KLF8: variants seen among roughly 807,000 people sequenced by gnomAD.
KLF8 encodes Krueppel-like factor 8.
Under a neutral mutation model 18.2 loss-of-function variants are expected in KLF8, and 10 were observed. The observed-to-expected ratio is 0.55, with a 90% CI of 0.34 to 0.93. KLF8 has a LOEUF of 0.93. Ranked by LOEUF, KLF8 falls within the 40% of genes least tolerant of loss-of-function variation. The pLI is 0.02. For missense variants in KLF8, 264 were observed against 277.9 expected (o/e 0.95, Z 0.36); for synonymous variants, 109 against 97.3 (o/e 1.12, Z -0.71).
the KLF8 span, among the ~76,000 whole-genome samples, chrX:56,029,708 C>T: frequency 8.9e-6 from 1 of 111,767 alleles, no homozygotes; most frequent in Non-Finnish European, 1.9e-5. Context: ...TAGTTGGGGA[C>T]ATTTATCTTT....
the KLF8 span, among the ~76,000 whole-genome samples, chrX:56,007,579 T>C: frequency 1.8e-5 from 2 of 111,310 alleles, no homozygotes; most frequent in Admixed American, 9.6e-5. Context: ...TTCCATGCCT[T>C]AGAGGTTTCC....
chrX:55,949,749 C>G, the KLF8 span, among the ~76,000 whole-genome samples: 1 of 108,453 alleles, frequency 9.2e-6, no homozygotes, highest in South Asian at 4.1e-4. Flanking sequence ...CAAGATTGCG[C>G]CACTGCACTC....
chrX:56,269,422 G>A lies in KLF8; in HGVS notation c.691G>A (p.Asp231Asn). The A allele has an allele frequency of 8.3e-7, 1 of 1,209,396 alleles. No individual in the cohort carries two copies. The highest frequency in any genetic ancestry group is 1.8e-5 in the South Asian group (1 of 56,107). The change falls in exon 4 of 6, where the codon GAC becomes AAC. Residue 231 changes from aspartate to asparagine, a missense_variant. Transcript: ENST00000468660. ...CATGTCTCCACTGGAAATTCCAAGTGACAGTGAGGAGAGTACAATTGAGAG... is the reference window on the plus strand; with the variant it reads ...CATGTCTCCACTGGAAATTCCAAGTAACAGTGAGGAGAGTACAATTGAGAG... ...TSMSPLEIPSDSEESTIESGS... is the reference protein window; with the variant it reads ...TSMSPLEIPSNSEESTIESGS...
At chrX:56,239,884 A>G in intron 1 of KLF8, among the ~76,000 whole-genome samples, 1 of 111,193 alleles carries the variant, frequency 9.0e-6, no homozygotes, top group Non-Finnish European at 1.9e-5. Flanking sequence ...TCTATTTGCC[A>G]TTTTTCTTGA....
the KLF8 span, among the ~76,000 whole-genome samples, chrX:56,057,380 G>T: frequency 9.0e-6 from 1 of 111,375 alleles, no homozygotes; most frequent in Non-Finnish European, 1.9e-5. Context: ...CAGTGGAAGG[G>T]CAGGGTGCAT....
chrX:56,140,066 A>T, the KLF8 span, among the ~76,000 whole-genome samples: 9 of 112,370 alleles, frequency 8.0e-5, no homozygotes, highest in Middle Eastern at 9.3e-3. Flanking sequence ...ATGCCATCTC[A>T]TACCACTCAG....
At chrX:56,055,449 A>C in the KLF8 span, among the ~76,000 whole-genome samples, 1 of 111,563 alleles carries the variant, frequency 9.0e-6, no homozygotes, top group Non-Finnish European at 1.9e-5. Flanking sequence ...GTCTGATTGG[A>C]TTCCCTTTCT....
chrX:56,097,955 T>C, the KLF8 span, among the ~76,000 whole-genome samples: 2 of 110,586 alleles, frequency 1.8e-5, no homozygotes, highest in South Asian at 7.8e-4. Flanking sequence ...CCAAATTTCA[T>C]ATTGAGATTT....
At chrX:56,101,066 C>G in the KLF8 span, among the ~76,000 whole-genome samples, 9 of 111,099 alleles carry the variant, frequency 8.1e-5, no homozygotes, top group Non-Finnish European at 9.4e-5. Context: ...GATTCTGTCA[C>G]CCATGTAGCG....
the KLF8 span, among the ~76,000 whole-genome samples, chrX:56,173,256 C>A: frequency 9.0e-6 from 1 of 111,520 alleles, no homozygotes; most frequent in Non-Finnish European, 1.9e-5. Context: ...GTCTTTAATC[C>A]ATCTTGAATT....
the KLF8 span, among the ~76,000 whole-genome samples, chrX:56,084,485 A>C: frequency 8.9e-6 from 1 of 112,283 alleles, no homozygotes; most frequent in East Asian, 2.8e-4. Context: ...AACAAATGAC[A>C]TACAGCCAGT....
At chrX:56,003,473 C>A in the KLF8 span, among the ~76,000 whole-genome samples, 1 of 109,970 alleles carries the variant, frequency 9.1e-6, no homozygotes, top group Non-Finnish European at 1.9e-5. Context: ...ATTTCAAGAT[C>A]ATTGGGAAGC....
At chrX:55,941,109 AC>A in the KLF8 span, among the ~76,000 whole-genome samples, 1 of 112,057 alleles carries the variant, frequency 8.9e-6, no homozygotes, top group Non-Finnish European at 1.9e-5. Context: ...GCATGACCTG[AC>A]TTCAAACTAT....
chrX:56,169,238 C>T, the KLF8 span, among the ~76,000 whole-genome samples: 1 of 111,349 alleles, frequency 9.0e-6, no homozygotes, highest in Non-Finnish European at 1.9e-5. Context: ...TCAGATTTAC[C>T]GGTTTCAGAT....
At chrX:56,167,447 G>A in the KLF8 span, among the ~76,000 whole-genome samples, 1 of 111,862 alleles carries the variant, frequency 8.9e-6, no homozygotes, top group African/African-American at 3.2e-5. Flanking sequence ...TTTCTAATTT[G>A]AGCTCTTCTC....
chrX:55,959,673 T>C, the KLF8 span, among the ~76,000 whole-genome samples: 1 of 111,709 alleles, frequency 9.0e-6, no homozygotes. Flanking sequence ...GGCTGCTTCT[T>C]CAAATCAATG....
chrX:56,082,283 C>T, the KLF8 span, among the ~76,000 whole-genome samples: 2 of 111,216 alleles, frequency 1.8e-5, no homozygotes, highest in East Asian at 5.6e-4. Flanking sequence ...CTTTTTGTTT[C>T]TGTAAAATTG....
At chrX:56,063,982 T>C in the KLF8 span, among the ~76,000 whole-genome samples, 1 of 108,570 alleles carries the variant, frequency 9.2e-6, no homozygotes, top group Non-Finnish European at 1.9e-5. Context: ...TATATGTACA[T>C]ATATATCAAT....
chrX:56,235,527 C>T (rs903680678), intron 1 of KLF8, among the ~76,000 whole-genome samples: 2 of 108,504 alleles, frequency 1.8e-5, no homozygotes, highest in Non-Finnish European at 3.8e-5. Flanking sequence ...AGTGATTCTC[C>T]TGCCTCAGCC....
Sources: gnomAD v4.1 joint callset for allele counts (sites outside exome capture counted in the v4.1 genomes callset) on GRCh38, gnomAD v4.1.1 for gene constraint, MANE v1.5 for transcripts, NCBI Gene and HGNC (gene_info 2026-07-23, HGNC 2026-07-21) for gene names.